PCDHA8: variants seen among roughly 807,000 people sequenced by gnomAD.
PCDHA8 encodes protocadherin alpha 8.
PCDHA8 carries 53 observed loss-of-function variants against 61.8 expected under a neutral mutation model. The observed-to-expected ratio is 0.86, with a 90% CI of 0.69 to 1.08. The LOEUF is 1.08. PCDHA8 is among the 50% of genes least tolerant of loss of function. The pLI is 0.00. For missense variants in PCDHA8, 1,293 were observed against 1,245.0 expected, an observed-to-expected ratio of 1.04 and a Z score of -0.58; for synonymous variants, 618 against 556.6, an observed-to-expected ratio of 1.11 and a Z score of -1.55.
At chr5:140,981,643 G>A (rs998815671) in intron 2 of PCDHA8, among the ~76,000 whole-genome samples, 3 of 151,992 alleles carry the variant, frequency 2.0e-5, no homozygotes, top group African/African-American at 7.3e-5. Context: ...TTTTCTCTTA[G>A]GATCCCACTT....
intron 1 of PCDHA8, chr5:140,868,560 T>C (rs2050524245): frequency 1.3e-5 from 2 of 152,862 alleles, no homozygotes; most frequent in South Asian, 2.1e-4. Flanking sequence ...TATTTTTATA[T>C]GAGGAACAAC....
intron 1 of PCDHA8, chr5:140,869,386 C>T: frequency 6.2e-7 from 1 of 1,614,176 alleles, no homozygotes; most frequent in Non-Finnish European, 8.5e-7. Context: ...CCGCGAGGAG[C>T]TGTGCGGGCA....
intron 1 of PCDHA8, chr5:140,930,452 G>A (rs2086853363): frequency 6.6e-6 from 1 of 151,826 alleles, no homozygotes; most frequent in Non-Finnish European, 1.5e-5. Flanking sequence ...CAAACTCCTA[G>A]CCTCAAGTGA....
chr5:140,948,426 G>A (rs1301925814), intron 1 of PCDHA8, among the ~76,000 whole-genome samples: 1 of 151,446 alleles, frequency 6.6e-6, no homozygotes, highest in African/African-American at 2.4e-5. Flanking sequence ...TCTTCCTTCA[G>A]TGAAACATTC....
At chr5:141,000,430 T>A (rs1295455270) in intron 3 of PCDHA8, among the ~76,000 whole-genome samples, 2 of 126,420 alleles carry the variant, frequency 1.6e-5, no homozygotes, top group African/African-American at 6.1e-5. Context: ...TATTTTTTTT[T>A]TTTTTTTTTT....
At chr5:140,848,292 C>T in intron 1 of PCDHA8, 3 of 640,268 alleles carry the variant, frequency 4.7e-6, no homozygotes, top group Non-Finnish European at 8.2e-6. Context: ...ACACTTTGGG[C>T]CACGTGATGT....
chr5:140,942,132 TG>T (rs1554214846), intron 1 of PCDHA8, among the ~76,000 whole-genome samples: 1 of 152,250 alleles, frequency 6.6e-6, no homozygotes, highest in African/African-American at 2.4e-5. Flanking sequence ...GTGATATTTG[TG>T]GCTTTACTTG....
Position 140,843,735 on chromosome 5 carries a change from G to T in PCDHA8, c.2394+20G>T, listed in dbSNP as rs1554140393. ...CTCAAAGTAAGTCCATTTAAATTTA[G>T]AACTCATAAATTCTATTTGTGGAAA... On this transcript the variant is annotated intron_variant, in intron 1 of 3. Transcript: ENST00000531613. 1 of 1,548,324 alleles carries T rather than the reference G, an allele frequency of 6.5e-7. No individual in the cohort carries two copies. The highest frequency in any genetic ancestry group is 1.4e-5 in the African/African-American group (1 of 73,600).
chr5:140,888,597 C>A (rs1474772423), intron 1 of PCDHA8, among the ~76,000 whole-genome samples: 3 of 152,216 alleles, frequency 2.0e-5, no homozygotes, highest in African/African-American at 7.2e-5. Flanking sequence ...ACATTCAGAG[C>A]AGCTTTTAGT....
chr5:140,923,804 A>G (rs782008903), intron 1 of PCDHA8, among the ~76,000 whole-genome samples: 30 of 152,222 alleles, frequency 2.0e-4, no homozygotes, highest in Admixed American at 3.9e-4. Flanking sequence ...CACAAATGAA[A>G]TCTTCTGAAA....
chr5:140,842,491 G>GC lies in PCDHA8; in HGVS notation c.1174dup (p.His392ProfsTer31). 1 of 1,613,896 alleles carries GC rather than the reference G, an allele frequency of 6.2e-7. No individual in the cohort carries two copies. Among genetic ancestry groups the GC allele is most frequent in the African/African-American group, 1.3e-5 (1 of 74,988 alleles). On this transcript the variant is annotated frameshift_variant, in exon 1 of 4. Transcript: ENST00000531613. LOFTEE classifies it high-confidence loss of function. The stretch of plus-strand genomic sequence containing the variant: ...ACGGGCAGGTGACCTGCTCCCTGAT[G>GC]CCCCATGTCCCCTTCAAGCTGGTGT...
intron 1 of PCDHA8, chr5:140,851,710 G>T: frequency 2.1e-6 from 2 of 958,600 alleles, no homozygotes; most frequent in Middle Eastern, 5.5e-4. Flanking sequence ...GCCATGTGAA[G>T]ATTCGAAACT....
chr5:140,876,326 T>C, intron 1 of PCDHA8: 4 of 1,614,046 alleles, frequency 2.5e-6, no homozygotes, highest in Non-Finnish European at 3.4e-6. Context: ...AAAATGATTT[T>C]GCCAGTGAGT....
At chr5:140,962,543 G>A (rs962454688) in intron 1 of PCDHA8, among the ~76,000 whole-genome samples, 1 of 152,176 alleles carries the variant, frequency 6.6e-6, no homozygotes, top group African/African-American at 2.4e-5. Flanking sequence ...AACTAAAAAT[G>A]TAGAGGATCT....
In PCDHA8 at chr5:140,850,012, G is replaced by A. The variant is rs1415063137; in HGVS notation, c.2394+6297G>A. On this transcript the variant is annotated intron_variant, in intron 1 of 3. Transcript: ENST00000531613. ...CGGTTGGGCGAGCGCTCGCTGTCGAGCTACGTGTCAGTGCACGCGGAGAGC... is the reference window on the plus strand; with the variant it reads ...CGGTTGGGCGAGCGCTCGCTGTCGAACTACGTGTCAGTGCACGCGGAGAGC... 5 of 1,596,912 alleles carry A rather than the reference G, an allele frequency of 3.1e-6. 1 individual carries two copies. In the African/African-American group the frequency reaches 5.4e-5, roughly 17 times the overall value.
chr5:140,948,158 A>C lies in PCDHA8; in HGVS notation c.2395-30791A>C, dbSNP rs191151506. On this transcript the variant is annotated intron_variant, in intron 1 of 3. Transcript: ENST00000531613. The stretch of plus-strand genomic sequence containing the variant: ...TAATTGATTTTTGAATGTTGGAAAA[A>C]ACCTTCCATTCCTAGGGTAAATCCC... Among the ~76,000 whole-genome samples the C allele has an allele frequency of 2.8e-3, 418 of 151,676 alleles. 1 individual carries two copies. The highest frequency in any genetic ancestry group is 0.014 in the Middle Eastern group (4 of 294).
intron 1 of PCDHA8, among the ~76,000 whole-genome samples, chr5:140,954,933 CTT>C (rs2095111807): frequency 6.6e-6 from 1 of 152,044 alleles, no homozygotes; most frequent in East Asian, 1.9e-4. Flanking sequence ...TTTAATTAAT[CTT>C]GAGTTAATTT....
rs70988781 is a variant in PCDHA8 at position 140,941,319 on chromosome 5, CTT to C, written c.2395-37616_2395-37615del. Among the ~76,000 whole-genome samples, 109 of 104,374 alleles carry C rather than the reference CTT, an allele frequency of 1.0e-3. 2 individuals are homozygous for C. Among genetic ancestry groups the C allele is most frequent in the East Asian group, 2.8e-3 (11 of 3,932 alleles). The allele number at this position is 104,374 out of a possible 152,430, so 68.5% of individuals were successfully genotyped here. A position where few individuals can be genotyped will look rare whatever the true frequency, so the allele number is the denominator to read the frequency against. ...TTCTTTCTTTCTTTTTCTTCTTTCT[CTT>C]TTTTTTTTTTTTTCAGATGGAGTCT... On this transcript the variant is annotated intron_variant, in intron 1 of 3. Coordinates refer to ENST00000531613, the MANE Select transcript of PCDHA8 (RefSeq NM_018911.3).
intron 1 of PCDHA8, among the ~76,000 whole-genome samples, chr5:140,902,720 C>A (rs371638113): frequency 6.6e-6 from 1 of 152,050 alleles, no homozygotes; most frequent in African/African-American, 2.4e-5. Flanking sequence ...CCCCTCCCAC[C>A]CTTCCCTCCA....
Sources: gnomAD v4.1 joint callset for allele counts (sites outside exome capture counted in the v4.1 genomes callset) on GRCh38, gnomAD v4.1.1 for gene constraint, MANE v1.5 for transcripts, NCBI Gene and HGNC (gene_info 2026-07-23, HGNC 2026-07-21) for gene names.